The following CSMD1 variants were observed in gnomAD, a reference collection of about 807,000 sequenced individuals.
CSMD1 encodes the protein CUB and sushi domain-containing protein 1.
In CSMD1, 213 loss-of-function variants were observed where a neutral mutation model predicts 417.5. That is an observed-to-expected ratio of 0.51 (90% CI 0.46 to 0.57). The LOEUF is 0.57. CSMD1 is among the 20% of genes least tolerant of loss of function. The probability of loss-of-function intolerance (pLI) is 0.00; values close to 1 mark genes in which losing one functional copy is unlikely to be tolerated. For synonymous variants in CSMD1, 2,862 were observed against 1,736.8 expected (o/e 1.65, Z -16.11); for missense variants, 6,923 against 4,529.7 (o/e 1.53, Z -15.17).
intron 1 of CSMD1, among the ~76,000 whole-genome samples, chr8:4,940,561 C>G (rs987151171): frequency 6.6e-6 from 1 of 152,206 alleles, no homozygotes; most frequent in African/African-American, 2.4e-5. Context: ...ACAGTATCAA[C>G]TAGCCTCGTG....
chr8:4,773,471 A>AT (rs1796696795), intron 1 of CSMD1, among the ~76,000 whole-genome samples: 1 of 152,138 alleles, frequency 6.6e-6, no homozygotes, highest in South Asian at 2.1e-4. Flanking sequence ...CAGCACAGAG[A>AT]TTCTTTGTGT....
At chr8:3,934,649 T>A (rs11136681) in intron 5 of CSMD1, among the ~76,000 whole-genome samples, 51,789 of 151,746 alleles carry the variant, frequency 0.34, 9,194 homozygotes, top group African/African-American at 0.45. Flanking sequence ...AGGTCAGGAG[T>A]TCGAGACCAG....
chr8:3,604,696 C>G (rs185135291), intron 8 of CSMD1, among the ~76,000 whole-genome samples: 49 of 152,300 alleles, frequency 3.2e-4, no homozygotes, highest in African/African-American at 1.1e-3. Context: ...CTAGATATCT[C>G]TCCATTATTC....
intron 11 of CSMD1, among the ~76,000 whole-genome samples, chr8:3,483,703 C>T (rs1044278071): frequency 2.0e-5 from 3 of 151,968 alleles, no homozygotes; most frequent in Non-Finnish European, 2.9e-5. Context: ...AAACTATAGA[C>T]CGATATCTTT....
rs1191696521 is a variant in CSMD1 at position 3,206,563 on chromosome 8, GTA to G, written c.4868-945_4868-944del. Among the ~76,000 whole-genome samples the G allele has an allele frequency of 2.3e-3, 135 of 59,360 alleles. 1 individual carries two copies. Among genetic ancestry groups the G allele is most frequent in the African/African-American group, 8.0e-3 (122 of 15,310 alleles). The allele number at this position is 59,360 out of a possible 152,430, so 38.9% of individuals were successfully genotyped here. A position where few individuals can be genotyped will look rare whatever the true frequency, so the allele number is the denominator to read the frequency against. ...TGTGTGGGAGGTTATGTCTGTGTGT[GTA>G]TGTGTGTGTGTGTGTATGTGTGGGG... is the stretch of plus-strand genomic sequence containing the variant. On this transcript the variant is annotated intron_variant, in intron 30 of 69. Coordinates refer to ENST00000635120, the MANE Select transcript of CSMD1 (RefSeq NM_033225.6).
rs141443324 is a variant in CSMD1, at chr8:3,228,049, T to A, written c.4345+1991A>T. ...TCCTAAAGTGCTGGGATTACAGGTG[T>A]GAGCCACCACACCCAGACTAAAACA... On this transcript the variant is annotated intron_variant, in intron 27 of 69. Transcript: ENST00000635120. Among the ~76,000 whole-genome samples the A allele has an allele frequency of 2.0e-3, 306 of 152,304 alleles. 3 individuals are homozygous for A. The highest frequency in any genetic ancestry group is 7.1e-3 in the African/African-American group (296 of 41,568).
intron 3 of CSMD1, among the ~76,000 whole-genome samples, chr8:4,049,350 G>A (rs1003965344): frequency 1.3e-5 from 2 of 151,626 alleles, no homozygotes; most frequent in Non-Finnish European, 2.9e-5. Flanking sequence ...AGCACTCCAA[G>A]CTCCTAGAGT....
intron 3 of CSMD1, among the ~76,000 whole-genome samples, chr8:4,188,988 A>C (rs1798855940): frequency 6.6e-6 from 1 of 152,174 alleles, no homozygotes; most frequent in East Asian, 1.9e-4. Flanking sequence ...CTAATGTTGG[A>C]CTGTGATGTA....
At chr8:3,035,358 G>T (rs184636703) in intron 50 of CSMD1, among the ~76,000 whole-genome samples, 2 of 152,150 alleles carry the variant, frequency 1.3e-5, no homozygotes, top group African/African-American at 4.8e-5. Flanking sequence ...CAGAAAAGGA[G>T]GGTATCACTA....
At chr8:2,940,042 A>G (rs1246933997) in intron 69 of CSMD1, among the ~76,000 whole-genome samples, 1 of 152,214 alleles carries the variant, frequency 6.6e-6, no homozygotes, top group Non-Finnish European at 1.5e-5. Context: ...GCAACTCCCA[A>G]CATGCAAGCA....
chr8:4,229,574 A>G (rs1247464956), intron 3 of CSMD1, among the ~76,000 whole-genome samples: 2 of 152,086 alleles, frequency 1.3e-5, no homozygotes, highest in Non-Finnish European at 2.9e-5. Context: ...TCAGCACCTT[A>G]CAGGACCTGT....
At chr8:3,748,252 T>C (rs540610605) in intron 6 of CSMD1, among the ~76,000 whole-genome samples, 1 of 150,384 alleles carries the variant, frequency 6.6e-6, no homozygotes, top group Non-Finnish European at 1.5e-5. Context: ...TTAAAAACTA[T>C]TTTTTTTCAT....
chr8:4,037,790 A>G (rs1365473490), intron 3 of CSMD1, among the ~76,000 whole-genome samples: 1 of 152,162 alleles, frequency 6.6e-6, no homozygotes, highest in African/African-American at 2.4e-5. Flanking sequence ...GCCTTGAACC[A>G]TTCCAGGTTG....
chr8:3,006,060 C>A (rs1320171432), intron 52 of CSMD1, among the ~76,000 whole-genome samples: 1 of 151,790 alleles, frequency 6.6e-6, no homozygotes, highest in Non-Finnish European at 1.5e-5. Context: ...AGCTGATAAG[C>A]AACTTCAGCA....
chr8:3,839,218 T>C (rs1411244457), intron 5 of CSMD1, among the ~76,000 whole-genome samples: 1 of 126,084 alleles, frequency 7.9e-6, no homozygotes, highest in Non-Finnish European at 1.6e-5. Context: ...AATTAATATA[T>C]AGTATAATAT....
intron 2 of CSMD1, among the ~76,000 whole-genome samples, chr8:4,560,832 C>A (rs1246555305): frequency 2.6e-5 from 4 of 152,190 alleles, no homozygotes; most frequent in African/African-American, 9.7e-5. Context: ...CTGTCCTTCA[C>A]AAGAGATGTT....
chr8:4,992,341 C>A (rs1368579438), intron 1 of CSMD1, among the ~76,000 whole-genome samples: 1 of 152,216 alleles, frequency 6.6e-6, no homozygotes, highest in Non-Finnish European at 1.5e-5. Flanking sequence ...CCGCCGCGGT[C>A]TCCACGCAGC....
Position 3,187,825 on chromosome 8 carries a change from G to A in CSMD1, c.5620+44C>T, listed in dbSNP as rs774214901. 2.8e-6 allele frequency: 4 copies of A among 1,413,010 alleles called. No homozygotes were observed. In the Admixed American group the frequency reaches 7.0e-5, roughly 25 times the overall value. 87.5% of individuals were successfully genotyped at this position (1,413,010 alleles called of 1,614,324 possible). A position where few individuals can be genotyped will look rare whatever the true frequency, so the allele number is the denominator to read the frequency against. Reference sequence around the variant, plus strand: ...TATTTATGTTGTTTTCTTGGTGTTTGCAGATTTTGAGTCACACAGGTGAGG... The same window carrying A: ...TATTTATGTTGTTTTCTTGGTGTTTACAGATTTTGAGTCACACAGGTGAGG... On this transcript the variant is annotated intron_variant, in intron 36 of 69. Transcript: ENST00000635120.
At chr8:4,648,158 G>A (rs1350570085) in intron 1 of CSMD1, among the ~76,000 whole-genome samples, 2 of 152,190 alleles carry the variant, frequency 1.3e-5, no homozygotes, top group Admixed American at 6.5e-5. Flanking sequence ...GCGTTTCTCT[G>A]ATTATCAGTG....
Sources: allele counts gnomAD v4.1 joint callset (sites outside exome capture counted in the v4.1 genomes callset), GRCh38; gene constraint gnomAD v4.1.1; transcripts MANE v1.5; gene names NCBI Gene and HGNC (gene_info 2026-07-23, HGNC 2026-07-21).